TMPRSS15: variants seen among roughly 807,000 people sequenced by gnomAD.
The protein encoded by TMPRSS15 is enteropeptidase.
Under a neutral mutation model 125.3 loss-of-function variants are expected in TMPRSS15, and 128 were observed. The observed-to-expected ratio is 1.02, with a 90% CI of 0.89 to 1.18. TMPRSS15 has a LOEUF of 1.18. Ranked by LOEUF, TMPRSS15 falls within the 50% of genes most tolerant of loss-of-function variation. The pLI, the probability that TMPRSS15 is intolerant of heterozygous loss-of-function variation, is 0.00. For missense variants in TMPRSS15, 1,283 were observed against 1,212.7 expected (o/e 1.06, Z -0.86); for synonymous variants, 446 against 423.2 (o/e 1.05, Z -0.66).
At chr21:18,296,047 G>C (rs1205331300) in intron 19 of TMPRSS15, among the ~76,000 whole-genome samples, 2 of 152,166 alleles carry the variant, frequency 1.3e-5, no homozygotes, top group Middle Eastern at 6.3e-3. Context: ...CAGCTACTTG[G>C]GAGGCTGAGG....
At chr21:18,442,359 G>T (rs1191474367) in intron 1 of TMPRSS15, among the ~76,000 whole-genome samples, 2 of 152,056 alleles carry the variant, frequency 1.3e-5, no homozygotes, top group Non-Finnish European at 2.9e-5. Flanking sequence ...AAAACATTCT[G>T]GCACCACATT....
chr21:18,388,181 C>G (rs1467112609), intron 3 of TMPRSS15, among the ~76,000 whole-genome samples: 1 of 152,020 alleles, frequency 6.6e-6, no homozygotes, highest in Non-Finnish European at 1.5e-5. Flanking sequence ...AATGGCAGCT[C>G]AGCTACCACC....
At chr21:18,338,932 G>A (rs1466527320) in intron 13 of TMPRSS15, among the ~76,000 whole-genome samples, 1 of 151,882 alleles carries the variant, frequency 6.6e-6, no homozygotes, top group African/African-American at 2.4e-5. Flanking sequence ...TCCTGCTTTT[G>A]CATCCATTTT....
At chr21:18,389,443 A>T (rs943676598) in intron 3 of TMPRSS15, among the ~76,000 whole-genome samples, 6 of 152,174 alleles carry the variant, frequency 3.9e-5, no homozygotes, top group African/African-American at 1.4e-4. Context: ...TAAAATATTT[A>T]TCAAGGTTTG....
intron 1 of TMPRSS15, among the ~76,000 whole-genome samples, chr21:18,437,674 C>T (rs979129922): frequency 5.3e-5 from 8 of 152,204 alleles, no homozygotes; most frequent in Admixed American, 1.3e-4. Flanking sequence ...AGGATATGAG[C>T]GGACACTTCT....
rs986145968 is a variant in TMPRSS15 at position 18,414,335 on chromosome 21, T to TTG, written c.11-16008_11-16007dup. 3.3e-5 allele frequency among the ~76,000 whole-genome samples: 5 copies of TTG among 152,028 alleles called. 1 individual carries two copies. The highest frequency in any genetic ancestry group is 7.4e-5 in the Non-Finnish European group (5 of 67,968). On this transcript the variant is annotated intron_variant, in intron 1 of 7. Transcript: ENST00000422787. ...CATTTTCTTTGTGTCCCTTTACTTC[T>TTG]TGTGTGTGTGTGAGTGTGTGATTTT...
chr21:18,325,774 C>T (rs1219674444), intron 16 of TMPRSS15, among the ~76,000 whole-genome samples: 1 of 151,648 alleles, frequency 6.6e-6, no homozygotes, highest in Non-Finnish European at 1.5e-5. Context: ...TTGTTGAATG[C>T]AAATATATGC....
At chr21:18,283,790 A>G (rs1008322636) in intron 21 of TMPRSS15, among the ~76,000 whole-genome samples, 4 of 152,178 alleles carry the variant, frequency 2.6e-5, no homozygotes, top group Non-Finnish European at 5.9e-5. Flanking sequence ...GGTATTTCAG[A>G]GAAAGAGCAT....
At position 18,353,504 on chromosome 21, in the gene TMPRSS15, T is replaced by G. The variant is rs17002592; in HGVS notation, c.1021+219A>C. Among the ~76,000 whole-genome samples, 1,219 of 152,018 alleles carry G rather than the reference T, an allele frequency of 8.0e-3. 17 individuals are homozygous for G. Among genetic ancestry groups the G allele is most frequent in the African/African-American group, 0.028 (1,165 of 41,530 alleles). On this transcript the variant is annotated intron_variant, in intron 9 of 24. Coordinates refer to ENST00000284885, the MANE Select transcript of TMPRSS15 (RefSeq NM_002772.3). The stretch of plus-strand genomic sequence containing the variant: ...AATTTTAATTTGATTTTATAGTGAT[T>G]TATAAGTTTTCTCAAATTGGTTATT...
intron 5 of TMPRSS15, among the ~76,000 whole-genome samples, chr21:18,377,946 C>T (rs1244775926): frequency 6.6e-6 from 1 of 152,140 alleles, no homozygotes; most frequent in African/African-American, 2.4e-5. Flanking sequence ...AGAAAACCTT[C>T]TTTTAAGTCC....
intron 21 of TMPRSS15, among the ~76,000 whole-genome samples, chr21:18,292,091 C>T (rs1221316369): frequency 6.6e-6 from 1 of 152,144 alleles, no homozygotes; most frequent in East Asian, 1.9e-4. Context: ...GTATCAACAC[C>T]CATAACAATA....
chr21:18,394,583 A>C (rs1385273669), intron 3 of TMPRSS15, among the ~76,000 whole-genome samples: 10 of 148,744 alleles, frequency 6.7e-5, no homozygotes, highest in Non-Finnish European at 1.5e-5. Context: ...CATACACACA[A>C]ACACACACTT....
intron 23 of TMPRSS15, 119 bp from the exon 24 acceptor site, chr21:18,275,455 A>C: frequency 3.3e-6 from 4 of 1,225,760 alleles, no homozygotes. Flanking sequence ...TACTGTGTAT[A>C]TATAATGGAA....
In TMPRSS15 at chr21:18,332,173, G is replaced by A. The variant is rs146718638; in HGVS notation, c.1565C>T (p.Thr522Met). ...CAGCTCAAAAGGTCCTCCACAGTCC[G>A]CTGAAAAGGAAAGCAATGGGAAATC... The part of the protein sequence containing the change: ...LVPTPPPELP[T>M]DCGGPFELWE... Residue 522 changes from threonine (T) to methionine (M), a missense_variant and splice_region_variant, in exon 14 of 25, where the codon ACG becomes ATG. Coordinates refer to ENST00000284885, the MANE Select transcript of TMPRSS15 (RefSeq NM_002772.3). 5.7e-4 allele frequency: 919 copies of A among 1,613,192 alleles called. No individual in the cohort carries two copies. Among genetic ancestry groups the A allele is most frequent in the Non-Finnish European group, 7.4e-4 (868 of 1,179,164 alleles).
chr21:18,299,971 T>C (rs921667449), intron 18 of TMPRSS15, among the ~76,000 whole-genome samples: 15 of 152,334 alleles, frequency 9.8e-5, no homozygotes, highest in African/African-American at 3.4e-4. Context: ...CATGAGGCTC[T>C]GCTTTTTGAC....
chr21:18,280,445 A>G (rs1010441353), intron 22 of TMPRSS15, among the ~76,000 whole-genome samples: 1 of 151,912 alleles, frequency 6.6e-6, no homozygotes, highest in African/African-American at 2.4e-5. Context: ...GCTGGGCATC[A>G]TGGCATGCAC....
intron 21 of TMPRSS15, among the ~76,000 whole-genome samples, chr21:18,289,405 G>A (rs2074806413): frequency 1.3e-5 from 2 of 152,116 alleles, no homozygotes; most frequent in Non-Finnish European, 2.9e-5. Context: ...CCAGCTACTC[G>A]GGAGGCTGAG....
intron 7 of TMPRSS15, among the ~76,000 whole-genome samples, chr21:18,361,367 C>T (rs994739860): frequency 6.6e-6 from 1 of 152,020 alleles, no homozygotes; most frequent in African/African-American, 2.4e-5. Context: ...ATCTAAGGCT[C>T]CTTGGGCATG....
chr21:18,484,783 A>G (rs368425390), intron 1 of TMPRSS15, among the ~76,000 whole-genome samples: 149 of 151,946 alleles, frequency 9.8e-4, no homozygotes, highest in African/African-American at 3.2e-3. Context: ...ATTTTCTTCC[A>G]TAATTACCTA....
Sources: gnomAD v4.1 joint callset for allele counts (sites outside exome capture counted in the v4.1 genomes callset) on GRCh38, gnomAD v4.1.1 for gene constraint, MANE v1.5 for transcripts, NCBI Gene and HGNC (gene_info 2026-07-23, HGNC 2026-07-21) for gene names.